TAFA5: variants seen among roughly 807,000 people sequenced by gnomAD.
The protein encoded by TAFA5 is TAFA chemokine like family member 5, also known as chemokine-like protein TAFA-5.
Under a neutral mutation model 15.3 loss-of-function variants are expected in TAFA5, and 6 were observed. That is an observed-to-expected ratio of 0.39 (90% CI 0.21 to 0.77). The LOEUF is 0.77. TAFA5 is among the 30% of genes least tolerant of loss of function. The probability of loss-of-function intolerance (pLI) is 0.41; values close to 1 mark genes in which losing one functional copy is unlikely to be tolerated. For missense variants in TAFA5, 161 were observed against 193.1 expected, an observed-to-expected ratio of 0.83 and a Z score of 0.98; for synonymous variants, 103 against 80.7, an observed-to-expected ratio of 1.28 and a Z score of -1.48.
At chr22:48,682,123 G>A in intron 2 of TAFA5, among the ~76,000 whole-genome samples, 1 of 152,308 alleles carries the variant, frequency 6.6e-6, no homozygotes, top group South Asian at 2.1e-4. Flanking sequence ...CCCTGTGGAT[G>A]TGTTCAGAGG....
chr22:48,600,367 G>T (rs1020334940), intron 1 of TAFA5, among the ~76,000 whole-genome samples: 18 of 152,224 alleles, frequency 1.2e-4, no homozygotes, highest in African/African-American at 4.3e-4. Flanking sequence ...TACTTGCGCA[G>T]GTCCAGCGGG....
intron 2 of TAFA5, among the ~76,000 whole-genome samples, chr22:48,696,941 C>T (rs62225009): frequency 0.22 from 33,278 of 152,160 alleles, 4,096 homozygotes; most frequent in South Asian, 0.37. Flanking sequence ...ATCCAAGACT[C>T]CTTATTGGAG....
intron 1 of TAFA5, among the ~76,000 whole-genome samples, chr22:48,502,989 C>G (rs1312942242): frequency 6.6e-6 from 1 of 152,234 alleles, no homozygotes; most frequent in Non-Finnish European, 1.5e-5. Flanking sequence ...TGCTTCTAGG[C>G]TCCTGCCCTG....
intron 1 of TAFA5, among the ~76,000 whole-genome samples, chr22:48,507,293 G>A (rs1415352712): frequency 1.3e-5 from 2 of 151,976 alleles, no homozygotes; most frequent in Non-Finnish European, 2.9e-5. Flanking sequence ...AGGGCCAGGT[G>A]TGCAGTTGGA....
chr22:48,723,723 T>A lies in TAFA5; in HGVS notation c.390+15879T>A, dbSNP rs114692971. 2.9e-3 allele frequency among the ~76,000 whole-genome samples: 443 copies of A among 152,218 alleles called. 4 individuals are homozygous for A. Among genetic ancestry groups the A allele is most frequent in the African/African-American group, 0.01 (425 of 41,518 alleles). On this transcript the variant is annotated intron_variant, in intron 3 of 3. Coordinates refer to ENST00000402357, the MANE Select transcript of TAFA5 (RefSeq NM_001082967.3). Reference sequence around the variant, plus strand: ...CAGTTTCCTTATCTGTAGAAGGGGGTAAGAATGCCCCCAGGGTTGACCCTT... The same window carrying A: ...CAGTTTCCTTATCTGTAGAAGGGGGAAAGAATGCCCCCAGGGTTGACCCTT...
At chr22:48,577,148 C>G (rs1923842279) in intron 1 of TAFA5, among the ~76,000 whole-genome samples, 1 of 152,238 alleles carries the variant, frequency 6.6e-6, no homozygotes, top group African/African-American at 2.4e-5. Context: ...AAGTTCTGCC[C>G]CTGCTCTCTT....
At chr22:48,613,382 C>G (rs1290892715) in intron 1 of TAFA5, among the ~76,000 whole-genome samples, 1 of 152,148 alleles carries the variant, frequency 6.6e-6, no homozygotes, top group Non-Finnish European at 1.5e-5. Context: ...CTGCACTGAG[C>G]CTCTGTCATC....
chr22:48,711,832 G>C (rs756004208), intron 3 of TAFA5, among the ~76,000 whole-genome samples: 5 of 152,174 alleles, frequency 3.3e-5, no homozygotes, highest in Non-Finnish European at 7.3e-5. Context: ...CCACCATCGC[G>C]CCGATCCCCC....
At chr22:48,538,928 C>T (rs75134397) in intron 1 of TAFA5, 1 of 164,120 alleles carries the variant, frequency 6.1e-6, no homozygotes, top group Admixed American at 5.8e-5. Context: ...TTTACTGTGA[C>T]TTTTCAGTTT....
chr22:48,542,879 A>T lies in TAFA5; in HGVS notation c.112+53175A>T, dbSNP rs536801751. ...GTGTAGAGTATGTATGGTGTGTGTGATGTGTGTATTTGTGTGTGTGGTGTG... is the reference window on the plus strand; with the variant it reads ...GTGTAGAGTATGTATGGTGTGTGTGTTGTGTGTATTTGTGTGTGTGGTGTG... On this transcript the variant is annotated intron_variant, in intron 1 of 3. Transcript: ENST00000402357. Among the ~76,000 whole-genome samples the T allele has an allele frequency of 7.1e-5, 9 of 126,540 alleles. No individual in the cohort carries two copies. In the East Asian group the frequency reaches 1.0e-3, roughly 14 times the overall value. The allele number at this position is 126,540 out of a possible 152,430, so 83.0% of individuals were successfully genotyped here. A position where few individuals can be genotyped will look rare whatever the true frequency, so the allele number is the denominator to read the frequency against.
chr22:48,518,628 C>T (rs1921498369), intron 1 of TAFA5, among the ~76,000 whole-genome samples: 1 of 151,940 alleles, frequency 6.6e-6, no homozygotes, highest in Non-Finnish European at 1.5e-5. Flanking sequence ...GAGGCGGACT[C>T]TCTCAGAGCA....
intron 1 of TAFA5, among the ~76,000 whole-genome samples, chr22:48,621,470 G>C (rs888019629): frequency 6.6e-6 from 1 of 152,038 alleles, no homozygotes; most frequent in Non-Finnish European, 1.5e-5. Context: ...TCATGTAGGT[G>C]CTCATGGGCA....
chr22:48,670,719 A>G (rs1404869395), intron 2 of TAFA5, among the ~76,000 whole-genome samples: 1 of 152,222 alleles, frequency 6.6e-6, no homozygotes, highest in African/African-American at 2.4e-5. Context: ...GATGTAGGAA[A>G]ATGCTGGGTT....
chr22:48,522,671 A>G (rs1426587057), intron 1 of TAFA5, among the ~76,000 whole-genome samples: 1 of 152,168 alleles, frequency 6.6e-6, no homozygotes, highest in Non-Finnish European at 1.5e-5. Context: ...TTCACAGCCC[A>G]GGCCATGGGA....
Position 48,608,068 on chromosome 22 carries a change from C to T in TAFA5, c.113-38529C>T, listed in dbSNP as rs527922220. On this transcript the variant is annotated intron_variant, in intron 1 of 3. Transcript: ENST00000402357. The stretch of plus-strand genomic sequence containing the variant: ...TTGGGGCTGGACAGGCAGAATGAGG[C>T]AGTGAGCCAGCCCCTCCCACGGCCC... Among the ~76,000 whole-genome samples the T allele has an allele frequency of 5.1e-4, 77 of 152,044 alleles. 1 individual carries two copies. In the South Asian group the frequency reaches 0.016, roughly 31 times the overall value.
chr22:48,721,164 A>C, intron 3 of TAFA5, among the ~76,000 whole-genome samples: 1 of 152,204 alleles, frequency 6.6e-6, no homozygotes, highest in East Asian at 1.9e-4. Context: ...GAATCTACAC[A>C]ATCCTAGGGG....
At chr22:48,549,991 C>G (rs943545277) in intron 1 of TAFA5, among the ~76,000 whole-genome samples, 1 of 152,228 alleles carries the variant, frequency 6.6e-6, no homozygotes, top group Admixed American at 6.5e-5. Flanking sequence ...TGAGGCCACC[C>G]TGTCAGGTAC....
At chr22:48,655,050 A>C (rs1462671431) in intron 2 of TAFA5, among the ~76,000 whole-genome samples, 1 of 152,088 alleles carries the variant, frequency 6.6e-6, no homozygotes, top group African/African-American at 2.4e-5. Flanking sequence ...TCCTGGAGGA[A>C]ATGGGCACTG....
Position 48,515,985 on chromosome 22 carries a change from C to T in TAFA5, c.112+26281C>T, listed in dbSNP as rs190584260. Among the ~76,000 whole-genome samples the T allele has an allele frequency of 1.7e-3, 263 of 152,156 alleles. 1 individual carries two copies. Among genetic ancestry groups the T allele is most frequent in the East Asian group, 8.8e-3 (45 of 5,128 alleles). On this transcript the variant is annotated intron_variant, in intron 1 of 3. Coordinates refer to ENST00000402357, the MANE Select transcript of TAFA5 (RefSeq NM_001082967.3). ...GGGAAAGGCAACCCGGGCAGCCACC[C>T]TCCCCACCCCAGCCTCACTCCCTGT... is the stretch of plus-strand genomic sequence containing the variant.
Sources: allele counts gnomAD v4.1 joint callset (sites outside exome capture counted in the v4.1 genomes callset), GRCh38; gene constraint gnomAD v4.1.1; transcripts MANE v1.5; gene names NCBI Gene and HGNC (gene_info 2026-07-23, HGNC 2026-07-21).